Variants in TEX11 observed in about 807,000 individuals in gnomAD.
TEX11 encodes the protein testis expressed 11, also known as testis-expressed protein 11.
Under a neutral mutation model 84.4 loss-of-function variants are expected in TEX11, and 7 were observed. The ratio of observed to expected loss-of-function variants is 0.08; its 90% CI spans 0.05 to 0.16. The LOEUF is 0.16. Among genes scored for constraint, TEX11 ranks in the 10% least tolerant of loss-of-function variants. The pLI, the probability that TEX11 is intolerant of heterozygous loss-of-function variation, is 1.00. For missense variants in TEX11, 551 were observed against 660.5 expected (o/e 0.83, Z 1.82); for synonymous variants, 264 against 222.8 (o/e 1.18, Z -1.64).
At chrX:70,670,217 CA>C (rs1383340635) in intron 16 of TEX11, among the ~76,000 whole-genome samples, 159 bp downstream of exon 16, 1 of 111,972 alleles carries the variant, frequency 8.9e-6, no homozygotes, top group Admixed American at 9.5e-5. Context: ...TCTATGTTTA[CA>C]GTGTGCAAAT....
intron 16 of TEX11, among the ~76,000 whole-genome samples, chrX:70,669,673 C>T (rs1054955042): frequency 5.3e-5 from 6 of 112,836 alleles, no homozygotes; most frequent in African/African-American, 1.6e-4. Flanking sequence ...CCCTTAATCA[C>T]CTAGGTGAAC....
chrX:70,881,045 A>G (rs956253064), intron 2 of TEX11, among the ~76,000 whole-genome samples: 1 of 107,373 alleles, frequency 9.3e-6, no homozygotes, highest in African/African-American at 3.4e-5. Context: ...AACTAAAACT[A>G]GACCGGGCCC....
At chrX:70,883,535 G>T (rs2091693942) in intron 2 of TEX11, among the ~76,000 whole-genome samples, 1 of 111,401 alleles carries the variant, frequency 9.0e-6, no homozygotes, top group African/African-American at 3.3e-5. Flanking sequence ...ACAGTGAGTT[G>T]TGATCACGCC....
intron 25 of TEX11, among the ~76,000 whole-genome samples, chrX:70,586,212 T>G (rs1051747119): frequency 1.8e-5 from 2 of 112,457 alleles, no homozygotes; most frequent in Admixed American, 1.9e-4. Context: ...GCTAAAACCA[T>G]AAAACTCTTA....
intron 25 of TEX11, among the ~76,000 whole-genome samples, chrX:70,585,305 A>T (rs2088838742): frequency 8.9e-6 from 1 of 112,375 alleles, no homozygotes; most frequent in African/African-American, 3.2e-5. Context: ...TTAGCCAAGA[A>T]GGTGGAAGAT....
intron 25 of TEX11, among the ~76,000 whole-genome samples, chrX:70,563,530 A>G (rs1328904770): frequency 2.7e-5 from 3 of 112,143 alleles, no homozygotes; most frequent in Non-Finnish European, 3.8e-5. Flanking sequence ...ATGGGTTACT[A>G]GGAGGCCTGG....
intron 9 of TEX11, among the ~76,000 whole-genome samples, chrX:70,775,084 A>C (rs1602116507): frequency 8.9e-6 from 1 of 112,322 alleles, no homozygotes; most frequent in East Asian, 2.8e-4. Flanking sequence ...AAAGCAATCA[A>C]GAACATAAAT....
intron 13 of TEX11, among the ~76,000 whole-genome samples, chrX:70,716,768 G>C (rs945473017): frequency 8.9e-6 from 1 of 111,754 alleles, no homozygotes; most frequent in African/African-American, 3.3e-5. Flanking sequence ...CTCAGGCTCA[G>C]TGCACTGCAC....
At chrX:70,868,865 C>T (rs2091613145) in intron 4 of TEX11, among the ~76,000 whole-genome samples, 2 of 108,221 alleles carry the variant, frequency 1.8e-5, no homozygotes, top group Admixed American at 1.0e-4. Context: ...ATCACATACC[C>T]GGGCCTGTCA....
intron 13 of TEX11, among the ~76,000 whole-genome samples, chrX:70,718,071 G>A (rs2147713087): frequency 8.9e-6 from 1 of 111,791 alleles, no homozygotes; most frequent in African/African-American, 3.2e-5. Flanking sequence ...TACTTAAGTG[G>A]AAATTCGGGT....
intron 8 of TEX11, among the ~76,000 whole-genome samples, chrX:70,822,567 C>T (rs2091323668): frequency 9.0e-6 from 1 of 111,509 alleles, no homozygotes. Flanking sequence ...CACACACACA[C>T]CCATATCGGC....
intron 13 of TEX11, among the ~76,000 whole-genome samples, chrX:70,687,352 T>G (rs2090197907): frequency 8.9e-6 from 1 of 112,200 alleles, no homozygotes; most frequent in Non-Finnish European, 1.9e-5. Context: ...TATTCTTAAG[T>G]ATTTAATTAC....
intron 7 of TEX11, among the ~76,000 whole-genome samples, chrX:70,838,651 G>T (rs1225629250): frequency 9.0e-6 from 1 of 110,810 alleles, no homozygotes; most frequent in Non-Finnish European, 1.9e-5. Context: ...GACAGTGGGT[G>T]CAGCAAACTG....
chrX:70,575,519 G>T (rs1016061292), intron 25 of TEX11, among the ~76,000 whole-genome samples: 4 of 111,509 alleles, frequency 3.6e-5, no homozygotes, highest in African/African-American at 1.3e-4. Flanking sequence ...TTTCCTCCCT[G>T]TGAAGACACA....
intron 13 of TEX11, among the ~76,000 whole-genome samples, chrX:70,699,775 T>C (rs2090311029): frequency 9.0e-6 from 1 of 111,385 alleles, no homozygotes; most frequent in South Asian, 3.8e-4. Context: ...TTCTAATAGA[T>C]TGTTGCTTGA....
At chrX:70,532,907 A>G (rs1201413458) in intron 28 of TEX11, among the ~76,000 whole-genome samples, 2 of 109,412 alleles carry the variant, frequency 1.8e-5, no homozygotes, top group African/African-American at 3.3e-5. Context: ...GCGTGGTGGC[A>G]GGCACCTGTA....
At chrX:70,664,534 A>G (rs948674742) in intron 16 of TEX11, among the ~76,000 whole-genome samples, 4 of 111,647 alleles carry the variant, frequency 3.6e-5, no homozygotes, top group Non-Finnish European at 7.5e-5. Context: ...CTAAGTTCAT[A>G]TGGTACATAC....
chrX:70,618,565 G>A (rs779518213), intron 20 of TEX11, among the ~76,000 whole-genome samples: 29 of 111,838 alleles, frequency 2.6e-4, no homozygotes, highest in African/African-American at 8.4e-4. Flanking sequence ...ACTTAAGATG[G>A]CTATGTGGCA....
chrX:70,693,058 T>G (rs2090249855), intron 13 of TEX11, among the ~76,000 whole-genome samples: 1 of 111,051 alleles, frequency 9.0e-6, no homozygotes, highest in Non-Finnish European at 1.9e-5. Context: ...CTGAATAACA[T>G]GGTGAAACCC....
Sources: gnomAD v4.1 joint callset for allele counts (sites outside exome capture counted in the v4.1 genomes callset) on GRCh38, gnomAD v4.1.1 for gene constraint, MANE v1.5 for transcripts, NCBI Gene and HGNC (gene_info 2026-07-23, HGNC 2026-07-21) for gene names.